The following TAP2 variants were observed in gnomAD, a reference collection of about 807,000 sequenced individuals.
The protein encoded by TAP2 is transporter 2, ATP binding cassette subfamily B member.
Under a neutral mutation model 74.7 loss-of-function variants are expected in TAP2, and 49 were observed. That is an observed-to-expected ratio of 0.66 (90% CI 0.52 to 0.83). The LOEUF is 0.83. TAP2 is among the 40% of genes least tolerant of loss of function. The pLI, the probability that TAP2 is intolerant of heterozygous loss-of-function variation, is 0.00. For synonymous variants in TAP2, 306 were observed against 368.4 expected (o/e 0.83, Z 1.94); for missense variants, 739 against 859.0 (o/e 0.86, Z 1.75).
At chr6:32,822,316 T>C (rs1768331389), downstream of TAP2, 4 of 1,535,922 alleles carry the variant, frequency 2.6e-6, no homozygotes, top group Admixed American at 1.9e-5. Flanking sequence ...TCCAAAGGGT[T>C]TTCTAGAAAA....
At position 32,830,357 on chromosome 6, in the gene TAP2, C is replaced by A; in HGVS notation, c.1545G>T (p.Leu515=). 1.2e-6 allele frequency: 2 copies of A among 1,613,100 alleles called. No homozygotes were observed. The highest frequency in any genetic ancestry group is 1.7e-6 in the Non-Finnish European group (2 of 1,180,036). ...NGSGKSTVAA[L]LQNLYQPTGG... is the part of the protein sequence containing the mutation. ...CTGTGGGCTGGTACAGATTCTGCAGCAGGGCAGCCACTGTGCTCTTCCCAG... is the reference window on the plus strand; with the variant it reads ...CTGTGGGCTGGTACAGATTCTGCAGAAGGGCAGCCACTGTGCTCTTCCCAG... Residue 515 remains leucine (L), a synonymous_variant, in exon 9 of 12, where the codon CTG becomes CTT. Transcript: ENST00000374897.
At chr6:32,829,860 TCAC>T in intron 10 of TAP2, 67 bp downstream of exon 10, 1 of 1,599,820 alleles carries the variant, frequency 6.3e-7, no homozygotes, top group Non-Finnish European at 8.6e-7. Context: ...GACACGACCT[TCAC>T]CACTAAGAGT....
intron 5 of TAP2, among the ~76,000 whole-genome samples, chr6:32,833,172 C>T (rs534497610): frequency 1.3e-5 from 2 of 152,110 alleles, no homozygotes; most frequent in South Asian, 4.1e-4. Flanking sequence ...GGATCAGAGG[C>T]CTAAACATAA....
intron 7 of TAP2, among the ~76,000 whole-genome samples, chr6:32,831,767 G>C (rs1769094100): frequency 6.7e-6 from 1 of 148,924 alleles, no homozygotes; most frequent in Non-Finnish European, 1.5e-5. Context: ...TAGATGGATG[G>C]ATAGATAGAT....
chr6:32,823,571 A>G (rs1768447181), downstream of TAP2, among the ~76,000 whole-genome samples: 1 of 151,886 alleles, frequency 6.6e-6, no homozygotes. Flanking sequence ...AAAATAATGA[A>G]TACATCTTTC....
chr6:32,828,868 C>A lies in TAP2; in HGVS notation c.*38G>T. On this transcript the variant is annotated 3_prime_UTR_variant, in exon 12 of 12. Transcript: ENST00000374897. ...ATCCCTGGGGCCTCAGTCCATCAGCCGCTGCTGCACCAGGCGGGAATAGAG... is the reference window on the plus strand; with the variant it reads ...ATCCCTGGGGCCTCAGTCCATCAGCAGCTGCTGCACCAGGCGGGAATAGAG... 10 of 1,522,060 alleles carry A rather than the reference C, an allele frequency of 6.6e-6. No homozygotes were observed. Among genetic ancestry groups the A allele is most frequent in the Non-Finnish European group, 8.9e-6 (10 of 1,127,746 alleles). The allele number at this position is 1,522,060 out of a possible 1,614,324, so 94.3% of individuals were successfully genotyped here. A position where few individuals can be genotyped will look rare whatever the true frequency, so the allele number is the denominator to read the frequency against.
Position 32,835,726 on chromosome 6 carries a change from G to A in TAP2, c.656C>T (p.Ser219Phe), listed in dbSNP as rs1554235670. The change falls in exon 4 of 12, where the codon TCT (serine) becomes TTT (phenylalanine). Residue 219 changes from serine to phenylalanine, a missense_variant. Physicochemically the swap from Ser to Phe is radical, Grantham distance 155. Coordinates refer to ENST00000374897, the MANE Select transcript of TAP2 (RefSeq NM_001290043.2). The surrounding 1 kb of genome is among the most constrained non-coding windows in gnomAD (Gnocchi z 4.0). The part of the protein sequence containing the change: ...CRGGCFTYTM[S>F]RINLRIREQL... ...CTCCCGGATCCGCAAGTTGATTCGA[G>A]ACATGGTGTAGGTGAAGCAGCCTCC... The A allele has an allele frequency of 1.2e-6, 2 of 1,613,006 alleles. No homozygotes were observed. The highest frequency in any genetic ancestry group is 1.7e-6 in the Non-Finnish European group (2 of 1,180,040).
Position 32,835,857 on chromosome 6 carries a change from C to T in TAP2, c.609-84G>A. 1.3e-6 allele frequency: 2 copies of T among 1,583,236 alleles called. No individual in the cohort carries two copies. The highest frequency in any genetic ancestry group is 1.7e-6 in the Non-Finnish European group (2 of 1,155,032). On this transcript the variant is annotated intron_variant, in intron 3 of 11. Coordinates refer to ENST00000374897, the MANE Select transcript of TAP2 (RefSeq NM_001290043.2). This position sits in a 1 kb window ranked among gnomAD's most constrained non-coding sequence, Gnocchi z 4.0. ...GAAACAGAGGAGCAAGCCAGGAGTG[C>T]AGAGAAGCGCAAAGTCAGGGGAAAG...
At position 32,827,717 on chromosome 6, in the gene TAP2, C is replaced by T; in HGVS notation, c.*1189G>A. ...CTGGATACAACAGGAGAGGGTGAGA[C>T]AGATGGGCTGGAACAGTGTGTGCTC... On this transcript the variant is annotated 3_prime_UTR_variant, in exon 12 of 12. Coordinates refer to ENST00000374897, the MANE Select transcript of TAP2 (RefSeq NM_001290043.2). 10 of 935,528 alleles carry T rather than the reference C, an allele frequency of 1.1e-5. No individual in the cohort carries two copies. Among genetic ancestry groups the T allele is most frequent in the Non-Finnish European group, 1.3e-5 (10 of 785,844 alleles). 58.0% of individuals were successfully genotyped at this position (935,528 alleles called of 1,614,324 possible). A position where few individuals can be genotyped will look rare whatever the true frequency, so the allele number is the denominator to read the frequency against.
chr6:32,837,473 AG>A, intron 3 of TAP2, 63 bp downstream of exon 3: 1 of 1,353,366 alleles, frequency 7.4e-7, no homozygotes, highest in Non-Finnish European at 1.0e-6. Context: ...AAATGGAGTT[AG>A]GGAAGTGAAG....
Position 32,827,355 on chromosome 6 carries a change from C to A in TAP2, c.*1551G>T. The A allele has an allele frequency of 1.0e-6, 1 of 983,512 alleles. No individual in the cohort carries two copies. Among genetic ancestry groups the A allele is most frequent in the East Asian group, 1.1e-4 (1 of 8,810 alleles). 60.9% of individuals were successfully genotyped at this position (983,512 alleles called of 1,614,324 possible). A position where few individuals can be genotyped will look rare whatever the true frequency, so the allele number is the denominator to read the frequency against. The stretch of plus-strand genomic sequence containing the variant: ...TCATTTATTCAATTGACTATTTATT[C>A]TCCACTATGAATTAGGCCCTCGGCC... On this transcript the variant is annotated 3_prime_UTR_variant, in exon 12 of 12. Coordinates refer to ENST00000374897, the MANE Select transcript of TAP2 (RefSeq NM_001290043.2).
intron 3 of TAP2, among the ~76,000 whole-genome samples, chr6:32,836,708 C>G (rs1769441471): frequency 6.6e-6 from 1 of 152,140 alleles, no homozygotes; most frequent in African/African-American, 2.4e-5. Flanking sequence ...AGAAAAGGTA[C>G]AGTAAAAATA....
At chr6:32,830,480 C>A in intron 8 of TAP2, 40 bp from the exon 9 acceptor site, 1 of 1,594,308 alleles carries the variant, frequency 6.3e-7, no homozygotes, top group Non-Finnish European at 8.5e-7. Context: ...TGCCCCTTCT[C>A]CCTCAAAATC....
chr6:32,823,412 CCTT>C (rs1278344141), downstream of TAP2, among the ~76,000 whole-genome samples: 1 of 148,388 alleles, frequency 6.7e-6, no homozygotes, highest in Non-Finnish European at 1.5e-5. Flanking sequence ...TATAAAGTGC[CCTT>C]CTTGTCACAC....
chr6:32,830,596 G>C (rs1769004851), intron 8 of TAP2, 22 bp downstream of exon 8: 1 of 1,612,928 alleles, frequency 6.2e-7, no homozygotes, highest in African/African-American at 1.3e-5. Flanking sequence ...AAGGGTCCAG[G>C]TTTCCTCCCT....
intron 5 of TAP2, among the ~76,000 whole-genome samples, chr6:32,833,962 G>A (rs539038991): frequency 2.2e-4 from 22 of 99,668 alleles, no homozygotes; most frequent in Admixed American, 4.9e-4. Context: ...TTCACCTTCC[G>A]CCATGATTTG....
chr6:32,822,331 A>G, downstream of TAP2: 2 of 1,496,800 alleles, frequency 1.3e-6, no homozygotes, highest in East Asian at 2.3e-5. Flanking sequence ...AGAAAAAAAA[A>G]ACAAAAAAAA....
chr6:32,826,586 C>T lies in TAP2; in HGVS notation c.*2320G>A. On this transcript the variant is annotated 3_prime_UTR_variant, in exon 12 of 12. Coordinates refer to ENST00000374897, the MANE Select transcript of TAP2 (RefSeq NM_001290043.2). ...ACTTTCAGGGAGCATTTTTCTGTGT[C>T]CCTGACATAAAGCCTACCTGGGAGT... 32 of 985,360 alleles carry T rather than the reference C, an allele frequency of 3.2e-5. No homozygotes were observed. The highest frequency in any genetic ancestry group is 3.9e-5 in the Non-Finnish European group (32 of 829,912). 61.0% of individuals were successfully genotyped at this position (985,360 alleles called of 1,614,324 possible). A position where few individuals can be genotyped will look rare whatever the true frequency, so the allele number is the denominator to read the frequency against.
intron 5 of TAP2, among the ~76,000 whole-genome samples, chr6:32,834,574 T>C (rs241431): frequency 0.067 from 10,167 of 152,064 alleles, 552 homozygotes; most frequent in African/African-American, 0.14. Flanking sequence ...GTGATGATGG[T>C]TACCCAATAA....
Sources: gnomAD v4.1 joint callset for allele counts (sites outside exome capture counted in the v4.1 genomes callset) on GRCh38, gnomAD v4.1.1 for gene constraint, Gnocchi (gnomAD v3.1) non-coding constraint, MANE v1.5 for transcripts, NCBI Gene and HGNC (gene_info 2026-07-23, HGNC 2026-07-21) for gene names.